The following CRACD variants were observed in gnomAD, a reference collection of about 807,000 sequenced individuals.
CRACD encodes capping protein-inhibiting regulator of actin dynamics.
CRACD carries 56 observed loss-of-function variants against 106.8 expected under a neutral mutation model. The ratio of observed to expected loss-of-function variants is 0.52; its 90% CI spans 0.42 to 0.66. The LOEUF is 0.66. Among genes scored for constraint, CRACD ranks in the 30% least tolerant of loss-of-function variants. CRACD has a pLI of 0.00. For missense variants in CRACD, 1,730 were observed against 1,623.2 expected (o/e 1.07, Z -1.13); for synonymous variants, 754 against 670.8 (o/e 1.12, Z -1.92).
intron 6 of CRACD, among the ~76,000 whole-genome samples, chr4:56,312,755 T>A (rs1430092025): frequency 2.0e-5 from 3 of 152,170 alleles, no homozygotes; most frequent in Admixed American, 6.5e-5. Context: ...TTAGGCTTTG[T>A]GACATGAAGC....
chr4:56,095,041 T>C (rs1733551784), intron 1 of CRACD, among the ~76,000 whole-genome samples: 1 of 152,220 alleles, frequency 6.6e-6, no homozygotes, highest in Admixed American at 6.5e-5. Context: ...ACTATTTTAA[T>C]GCTATATCCT....
At chr4:56,090,454 G>A (rs1733389202) in intron 1 of CRACD, among the ~76,000 whole-genome samples, 1 of 152,156 alleles carries the variant, frequency 6.6e-6, no homozygotes, top group Admixed American at 6.5e-5. Context: ...CTGGAGTGCA[G>A]TGGCACTATC....
At chr4:56,219,097 A>G (rs897569204) in intron 2 of CRACD, among the ~76,000 whole-genome samples, 1 of 152,184 alleles carries the variant, frequency 6.6e-6, no homozygotes, top group Non-Finnish European at 1.5e-5. Context: ...TTGAAGATGA[A>G]TAACTTGCCT....
intron 2 of CRACD, among the ~76,000 whole-genome samples, chr4:56,255,732 A>C (rs1036085534): frequency 6.6e-6 from 1 of 152,214 alleles, no homozygotes; most frequent in Non-Finnish European, 1.5e-5. Flanking sequence ...TCTAAGGTGA[A>C]AGATAAGTTG....
intron 1 of CRACD, among the ~76,000 whole-genome samples, chr4:56,122,883 AGGGCAGCT>A (rs1734536739): frequency 1.3e-5 from 2 of 152,222 alleles, no homozygotes; most frequent in Non-Finnish European, 2.9e-5. Context: ...GGTTCACTAA[AGGGCAGCT>A]GGGGTGACTT....
chr4:56,115,633 T>C (rs1734251874), intron 1 of CRACD, among the ~76,000 whole-genome samples: 1 of 152,170 alleles, frequency 6.6e-6, no homozygotes, highest in Non-Finnish European at 1.5e-5. Flanking sequence ...GAGGTTACAG[T>C]AATGAAGCAT....
At chr4:56,281,848 T>C (rs1201270724) in intron 3 of CRACD, among the ~76,000 whole-genome samples, 1 of 152,088 alleles carries the variant, frequency 6.6e-6, no homozygotes, top group Non-Finnish European at 1.5e-5. Context: ...CAGACCGGAG[T>C]AGATGACCCT....
intron 2 of CRACD, among the ~76,000 whole-genome samples, chr4:56,190,933 C>T (rs1449650081): frequency 6.6e-6 from 1 of 152,032 alleles, no homozygotes; most frequent in African/African-American, 2.4e-5. Flanking sequence ...AAACCACCCC[C>T]ATGATGCAAT....
At chr4:56,258,291 C>T (rs939154103) in intron 2 of CRACD, among the ~76,000 whole-genome samples, 2 of 152,118 alleles carry the variant, frequency 1.3e-5, no homozygotes, top group African/African-American at 4.8e-5. Context: ...GAAGGCACCT[C>T]CCCACTTTGA....
intron 1 of CRACD, among the ~76,000 whole-genome samples, chr4:56,099,156 A>T (rs1380762553): frequency 1.3e-5 from 2 of 152,208 alleles, no homozygotes; most frequent in Non-Finnish European, 2.9e-5. Flanking sequence ...GTTTATTTTG[A>T]AAACTTTGTC....
At chr4:56,242,303 A>G (rs980376720) in intron 2 of CRACD, among the ~76,000 whole-genome samples, 1 of 152,224 alleles carries the variant, frequency 6.6e-6, no homozygotes, top group Non-Finnish European at 1.5e-5. Context: ...AACCATCCTT[A>G]TTTTAAGCAA....
chr4:56,242,248 T>G (rs1315516396), intron 2 of CRACD, among the ~76,000 whole-genome samples: 1 of 152,236 alleles, frequency 6.6e-6, no homozygotes, highest in Non-Finnish European at 1.5e-5. Context: ...GTGTTTACTT[T>G]GTGGAGATCA....
At chr4:56,205,218 G>A (rs533015826) in intron 2 of CRACD, among the ~76,000 whole-genome samples, 13 of 151,180 alleles carry the variant, frequency 8.6e-5, no homozygotes, top group South Asian at 2.1e-4. Flanking sequence ...TGCCCCCCCC[G>A]CCAAATAAGT....
rs553904329 is a variant in CRACD at position 56,107,291 on chromosome 4, C to A, written c.-336+57992C>A. On this transcript the variant is annotated intron_variant, in intron 1 of 10. Coordinates refer to ENST00000682029, the MANE Select transcript of CRACD (RefSeq NM_001393381.1). ...CCACCGGCGCCCAGCCTGGATTGGC[C>A]ATTTTCTATGTGACCTTGAACAGGT... 2.0e-5 allele frequency among the ~76,000 whole-genome samples: 3 copies of A among 152,240 alleles called. No homozygotes were observed. In the South Asian group the frequency reaches 6.2e-4, roughly 32 times the overall value.
intron 5 of CRACD, among the ~76,000 whole-genome samples, chr4:56,308,292 C>T (rs1464762311): frequency 1.6e-5 from 1 of 61,526 alleles, no homozygotes; most frequent in Non-Finnish European, 4.8e-5. Flanking sequence ...GAAAGAAAGT[C>T]ACATTCCAGC....
intron 1 of CRACD, among the ~76,000 whole-genome samples, chr4:56,155,089 G>C (rs1036020493): frequency 6.6e-6 from 1 of 152,002 alleles, no homozygotes; most frequent in African/African-American, 2.4e-5. Flanking sequence ...GCAATAAATA[G>C]CCCTTAAATC....
At chr4:56,118,748 A>G (rs999902362) in intron 1 of CRACD, among the ~76,000 whole-genome samples, 3 of 151,126 alleles carry the variant, frequency 2.0e-5, no homozygotes, top group African/African-American at 7.3e-5. Flanking sequence ...TATATAAAAT[A>G]AAATAAAAAT....
intron 5 of CRACD, chr4:56,308,668 C>T (rs566700074): frequency 1.1e-5 from 8 of 733,212 alleles, no homozygotes; most frequent in African/African-American, 3.8e-5. Context: ...TGAAAAAGGA[C>T]ATTCCTCCCC....
chr4:56,304,227 C>G (rs1027191405), intron 4 of CRACD, among the ~76,000 whole-genome samples: 4 of 151,886 alleles, frequency 2.6e-5, no homozygotes, highest in Non-Finnish European at 4.4e-5. Context: ...CGAATTGCCT[C>G]TTTAATTCTC....
Sources: gnomAD v4.1 joint callset for allele counts (sites outside exome capture counted in the v4.1 genomes callset) on GRCh38, gnomAD v4.1.1 for gene constraint, MANE v1.5 for transcripts, NCBI Gene and HGNC (gene_info 2026-07-23, HGNC 2026-07-21) for gene names.